Variants in FBXO38 observed in about 807,000 individuals in gnomAD.
FBXO38 encodes F-box protein 38, also known as F-box only protein 38.
In FBXO38, 53 loss-of-function variants were observed where a neutral mutation model predicts 131.9. That is an observed-to-expected ratio of 0.40 (90% confidence interval 0.32 to 0.51). The LOEUF (loss-of-function observed/expected upper bound fraction) is 0.51. Among genes scored for constraint, FBXO38 ranks in the 20% least tolerant of loss-of-function variants. FBXO38 has a pLI of 0.53. For missense variants in FBXO38, 1,076 were observed against 1,475.6 expected, an observed-to-expected ratio of 0.73 and a Z score of 4.44; for synonymous variants, 452 against 505.6, an observed-to-expected ratio of 0.89 and a Z score of 1.42.
chr5:148,427,283 T>C lies in FBXO38; in HGVS notation c.1989T>C (p.Phe663=). ...NSHQMGQSKQ[F]PLEESSCEKG... ...ATCAGATGGGCCAGTCGAAGCAGTT[T>C]CCCCTCGAGGAAAGCAGCTGTGAGA... The change falls in exon 15 of 22, where the codon TTT becomes TTC. Residue 663 remains phenylalanine, a synonymous_variant. Coordinates refer to ENST00000340253, the MANE Select transcript of FBXO38 (RefSeq NM_205836.3). 2.5e-6 allele frequency: 4 copies of C among 1,614,054 alleles called. No individual in the cohort carries two copies. Among genetic ancestry groups the C allele is most frequent in the Non-Finnish European group, 3.4e-6 (4 of 1,179,992 alleles).
Position 148,406,164 on chromosome 5 carries a change from T to TA in FBXO38, c.731-92dup, listed in dbSNP as rs755867835. The TA allele has an allele frequency of 1.9e-4, 233 of 1,245,818 alleles. 1 individual carries two copies. The highest frequency in any genetic ancestry group is 1.3e-3 in the South Asian group (75 of 56,308). 77.2% of individuals were successfully genotyped at this position (1,245,818 alleles called of 1,614,324 possible). A position where few individuals can be genotyped will look rare whatever the true frequency, so the allele number is the denominator to read the frequency against. On this transcript the variant is annotated intron_variant, in intron 6 of 21. Coordinates refer to ENST00000340253, the MANE Select transcript of FBXO38 (RefSeq NM_205836.3). ...CCAATTTGGCTGTCATTTTAAGACT[T>TA]AGAGTTTATAAGTTATACATGTCTT...
At chr5:148,420,597 T>G (rs1753355456) in intron 12 of FBXO38, among the ~76,000 whole-genome samples, 1 of 152,244 alleles carries the variant, frequency 6.6e-6, no homozygotes. Context: ...TATTTTGATT[T>G]AACATACATT....
intron 19 of FBXO38, 132 bp downstream of exon 19, chr5:148,439,924 T>C: frequency 1.2e-6 from 1 of 852,408 alleles, no homozygotes; most frequent in Non-Finnish European, 1.8e-6. Context: ...ATCCTGAAGT[T>C]AACGTAAGTA....
chr5:148,404,888 T>A, intron 6 of FBXO38, 66 bp downstream of exon 6: 1 of 1,377,938 alleles, frequency 7.3e-7, no homozygotes, highest in Non-Finnish European at 9.8e-7. Flanking sequence ...AAGCAAACTC[T>A]AGCTACATTT....
At chr5:148,432,795 A>C (rs1019612233) in intron 15 of FBXO38, among the ~76,000 whole-genome samples, 1 of 152,224 alleles carries the variant, frequency 6.6e-6, no homozygotes, top group Non-Finnish European at 1.5e-5. Context: ...TGTTATGTGA[A>C]TGGACCAACA....
chr5:148,425,111 C>A (rs190515294), intron 13 of FBXO38, among the ~76,000 whole-genome samples: 157 of 152,168 alleles, frequency 1.0e-3, no homozygotes, highest in Non-Finnish European at 1.8e-3. Context: ...CTGAGTTCAT[C>A]TTCATTTACT....
At chr5:148,438,560 T>C in intron 18 of FBXO38, 62 bp downstream of exon 18, 1 of 1,540,838 alleles carries the variant, frequency 6.5e-7, no homozygotes, top group South Asian at 1.2e-5. Flanking sequence ...TTTCTTTTTC[T>C]TGTTAGTCTT....
chr5:148,396,897 C>T (rs185895930), intron 2 of FBXO38, among the ~76,000 whole-genome samples: 1 of 152,252 alleles, frequency 6.6e-6, no homozygotes, highest in African/African-American at 2.4e-5. Context: ...TACACCACCA[C>T]ACCTGGCCAT....
chr5:148,416,946 A>G, intron 11 of FBXO38, 48 bp from the exon 12 acceptor site: 1 of 1,139,412 alleles, frequency 8.8e-7, no homozygotes, highest in Middle Eastern at 1.9e-4. Context: ...ATGAAGGGAT[A>G]TATACTAACC....
At chr5:148,415,741 G>A (rs1753015361) in intron 10 of FBXO38, among the ~76,000 whole-genome samples, 187 bp from the exon 11 acceptor site, 1 of 152,036 alleles carries the variant, frequency 6.6e-6, no homozygotes, top group Non-Finnish European at 1.5e-5. Flanking sequence ...AGGCCATTTA[G>A]TTCTCACAAT....
intron 9 of FBXO38, among the ~76,000 whole-genome samples, chr5:148,413,033 G>A (rs898521906): frequency 2.6e-5 from 4 of 152,102 alleles, no homozygotes; most frequent in Admixed American, 6.6e-5. Flanking sequence ...TAGTGCCCAG[G>A]AAACAGGGTC....
chr5:148,409,147 A>G lies in FBXO38; in HGVS notation c.892A>G (p.Ile298Val), dbSNP rs149020291. The change falls in exon 8 of 22, where the codon ATT (isoleucine) becomes GTT (valine). Residue 298 changes from isoleucine (I) to valine (V), a missense_variant. Coordinates refer to ENST00000340253, the MANE Select transcript of FBXO38 (RefSeq NM_205836.3). Reference protein sequence around the residue: ...RSGGFRNLHTIVLGACKNALE... With the variant: ...RSGGFRNLHTVVLGACKNALE... ...AGGTGGTTTTAGAAATTTGCACACTATTGTTCTGGGAGCTTGCAAAAATGC... is the reference window on the plus strand; with the variant it reads ...AGGTGGTTTTAGAAATTTGCACACTGTTGTTCTGGGAGCTTGCAAAAATGC... The G allele has an allele frequency of 1.9e-5, 31 of 1,612,494 alleles. No individual in the cohort carries two copies. The highest frequency in any genetic ancestry group is 4.5e-5 in the East Asian group (2 of 44,824).
intron 16 of FBXO38, 22 bp downstream of exon 16, chr5:148,433,546 A>G (rs745806164): frequency 2.5e-6 from 4 of 1,581,772 alleles, no homozygotes; most frequent in Non-Finnish European, 3.5e-6. Context: ...ACCCTCACTT[A>G]CCTTTATCAC....
At chr5:148,437,044 G>A (rs1314093727) in intron 17 of FBXO38, among the ~76,000 whole-genome samples, 1 of 152,180 alleles carries the variant, frequency 6.6e-6, no homozygotes, top group Non-Finnish European at 1.5e-5. Flanking sequence ...TCGGCATCTC[G>A]TTCCATTCCT....
intron 21 of FBXO38, 66 bp downstream of exon 21, chr5:148,441,303 A>G (rs1239992954): frequency 2.5e-6 from 3 of 1,186,618 alleles, no homozygotes; most frequent in Non-Finnish European, 3.7e-6. Flanking sequence ...TACATACTTA[A>G]TATCTTTTTG....
intron 6 of FBXO38, among the ~76,000 whole-genome samples, chr5:148,405,485 A>C (rs2113544823): frequency 6.6e-6 from 1 of 152,266 alleles, no homozygotes; most frequent in South Asian, 2.1e-4. Flanking sequence ...TAGAGCATTA[A>C]GTGGGAACTA....
chr5:148,431,687 T>C (rs1360459177), intron 15 of FBXO38, among the ~76,000 whole-genome samples: 1 of 152,216 alleles, frequency 6.6e-6, no homozygotes, highest in Admixed American at 6.5e-5. Flanking sequence ...GGCTATCAGG[T>C]GAAATGTGCT....
intron 15 of FBXO38, 79 bp downstream of exon 15, chr5:148,428,026 C>G: frequency 7.2e-7 from 1 of 1,383,280 alleles, no homozygotes; most frequent in East Asian, 2.5e-5. Context: ...AGTTTTCTTA[C>G]AAAAAGCCAG....
intron 15 of FBXO38, among the ~76,000 whole-genome samples, chr5:148,431,974 G>T (rs545930355): frequency 3.3e-5 from 5 of 152,274 alleles, no homozygotes; most frequent in Admixed American, 1.3e-4. Context: ...GATTTGGTGT[G>T]TAAAAAAATC....
Sources: allele counts gnomAD v4.1 joint callset (sites outside exome capture counted in the v4.1 genomes callset), GRCh38; gene constraint gnomAD v4.1.1; transcripts MANE v1.5; gene names NCBI Gene and HGNC (gene_info 2026-07-23, HGNC 2026-07-21).